KCNH1: variants seen among roughly 807,000 people sequenced by gnomAD.
The protein encoded by KCNH1 is voltage-gated delayed rectifier potassium channel KCNH1.
Under a neutral mutation model 69.2 loss-of-function variants are expected in KCNH1, and 27 were observed. The observed-to-expected ratio is 0.39, with a 90% confidence interval of 0.29 to 0.54. The LOEUF is 0.54. KCNH1 is among the 20% of genes least tolerant of loss of function. The probability of loss-of-function intolerance (pLI) is 0.68; values close to 1 mark genes in which losing one functional copy is unlikely to be tolerated. For synonymous variants in KCNH1, 456 were observed against 487.7 expected, an observed-to-expected ratio of 0.93 and a Z score of 0.86; for missense variants, 798 against 1,261.6, an observed-to-expected ratio of 0.63 and a Z score of 5.57.
At chr1:211,014,062 T>C (rs1689448738) in intron 6 of KCNH1, among the ~76,000 whole-genome samples, 1 of 152,214 alleles carries the variant, frequency 6.6e-6, no homozygotes, top group African/African-American at 2.4e-5. Context: ...TGCTGCTGTC[T>C]GAGGTTACAG....
intron 1 of KCNH1, among the ~76,000 whole-genome samples, chr1:211,107,777 C>T (rs1691384919): frequency 1.3e-5 from 2 of 152,170 alleles, no homozygotes; most frequent in African/African-American, 4.8e-5. Context: ...AGCATCTTAG[C>T]CTTTTCAGTC....
intron 5 of KCNH1, among the ~76,000 whole-genome samples, chr1:211,057,609 A>G (rs1384435067): frequency 1.3e-5 from 2 of 152,096 alleles, no homozygotes; most frequent in Admixed American, 1.3e-4. Context: ...ACTGCACTCT[A>G]GCCTGGGTGG....
In KCNH1 at chr1:210,863,899, G is replaced by A. The variant is rs181572724; in HGVS notation, c.1462+55741C>T. The stretch of plus-strand genomic sequence containing the variant: ...GACCTCTCCCCTGTCATGTAGAAAG[G>A]CCTCAAGTGGTAGTTTTTGGAGCTC... On this transcript the variant is annotated intron_variant, in intron 7 of 10. Transcript: ENST00000271751. Among the ~76,000 whole-genome samples the A allele has an allele frequency of 5.3e-5, 8 of 152,290 alleles. No individual in the cohort carries two copies. The East Asian group carries it at 1.5e-3, about 29-fold the overall frequency.
intron 1 of KCNH1, among the ~76,000 whole-genome samples, chr1:211,114,256 C>G (rs1691527128): frequency 6.6e-6 from 1 of 152,024 alleles, no homozygotes; most frequent in Non-Finnish European, 1.5e-5. Context: ...TTGTTTCCAC[C>G]CCACACACCA....
intron 5 of KCNH1, among the ~76,000 whole-genome samples, chr1:211,048,156 GC>G (rs1212891296): frequency 1.3e-5 from 2 of 152,108 alleles, no homozygotes; most frequent in Non-Finnish European, 2.9e-5. Context: ...CTGCAAGAAT[GC>G]CCGTAATTTA....
chr1:210,920,348 A>C (rs1166333931), intron 6 of KCNH1, among the ~76,000 whole-genome samples: 1 of 152,234 alleles, frequency 6.6e-6, no homozygotes, highest in African/African-American at 2.4e-5. Context: ...ACCTGTGGGC[A>C]TCTTTCCATA....
At chr1:210,717,104 A>C (rs1682276117) in intron 10 of KCNH1, among the ~76,000 whole-genome samples, 1 of 152,184 alleles carries the variant, frequency 6.6e-6, no homozygotes, top group Admixed American at 6.5e-5. Context: ...TTTGCCTCCC[A>C]GGAAGCCTCT....
At chr1:211,087,088 C>T (rs75897840) in intron 4 of KCNH1, among the ~76,000 whole-genome samples, 7,075 of 152,150 alleles carry the variant, frequency 0.047, 251 homozygotes, top group Non-Finnish European at 0.068. Context: ...GTGGGGCCTG[C>T]AACTTGTGTC....
At chr1:211,068,577 G>A (rs1440812814) in intron 5 of KCNH1, among the ~76,000 whole-genome samples, 1 of 152,122 alleles carries the variant, frequency 6.6e-6, no homozygotes, top group East Asian at 1.9e-4. Context: ...TGTATTTTTA[G>A]TAGAGACGAG....
intron 9 of KCNH1, among the ~76,000 whole-genome samples, chr1:210,795,045 G>A (rs1684280502): frequency 6.6e-6 from 1 of 152,202 alleles, no homozygotes. Context: ...GCAGGGTTCA[G>A]TGGATACCAT....
chr1:210,948,604 C>T (rs1408079566), intron 6 of KCNH1, among the ~76,000 whole-genome samples: 4 of 151,792 alleles, frequency 2.6e-5, no homozygotes, highest in Non-Finnish European at 5.9e-5. Flanking sequence ...CTGAGGCGGG[C>T]GGATCACAAG....
intron 5 of KCNH1, among the ~76,000 whole-genome samples, chr1:211,050,362 C>T (rs949797878): frequency 6.8e-6 from 1 of 146,688 alleles, no homozygotes; most frequent in Non-Finnish European, 1.5e-5. Context: ...GGATTTCAGA[C>T]ATCCCTAGCT....
chr1:210,863,565 C>T (rs188159352), intron 7 of KCNH1, among the ~76,000 whole-genome samples: 2 of 152,296 alleles, frequency 1.3e-5, no homozygotes, highest in East Asian at 3.9e-4. Flanking sequence ...ATGCCATTTC[C>T]AGTTAAGTTA....
intron 10 of KCNH1, among the ~76,000 whole-genome samples, chr1:210,726,777 C>T (rs755521584): frequency 5.9e-5 from 9 of 152,130 alleles, no homozygotes; most frequent in Admixed American, 1.3e-4. Flanking sequence ...AAAAACATGC[C>T]TAAGTGGTTC....
At chr1:210,850,579 C>T (rs1685679487) in intron 7 of KCNH1, among the ~76,000 whole-genome samples, 1 of 152,162 alleles carries the variant, frequency 6.6e-6, no homozygotes, top group Admixed American at 6.5e-5. Context: ...AAATTAACTG[C>T]TGAATCCAAA....
intron 6 of KCNH1, among the ~76,000 whole-genome samples, chr1:210,973,360 T>C (rs901984640): frequency 1.3e-5 from 2 of 152,142 alleles, no homozygotes; most frequent in Non-Finnish European, 2.9e-5. Context: ...AGTCAACATC[T>C]TCTAAGACAG....
rs570213871 is a variant in KCNH1, at chr1:211,084,401, G to A, written c.440-1503C>T. ...CCACCCTACTACCACCACCACCAGC[G>A]TGATCTATATACTGTGAGAACAGTG... is the stretch of plus-strand genomic sequence containing the variant. On this transcript the variant is annotated intron_variant, in intron 4 of 10. Transcript: ENST00000271751. 3.2e-4 allele frequency among the ~76,000 whole-genome samples: 48 copies of A among 151,208 alleles called. 1 individual carries two copies. The South Asian group carries it at 9.0e-3, about 28-fold the overall frequency.
At chr1:210,740,362 T>C (rs1682992195) in intron 10 of KCNH1, among the ~76,000 whole-genome samples, 1 of 152,164 alleles carries the variant, frequency 6.6e-6, no homozygotes, top group Non-Finnish European at 1.5e-5. Context: ...AAACAGACTT[T>C]TACCTTCTAA....
At chr1:211,006,367 A>G (rs898103366) in intron 6 of KCNH1, among the ~76,000 whole-genome samples, 4 of 152,242 alleles carry the variant, frequency 2.6e-5, no homozygotes, top group African/African-American at 9.6e-5. Flanking sequence ...ACAAACAATA[A>G]CAATGAACTA....
Sources: gnomAD v4.1 joint callset for allele counts (sites outside exome capture counted in the v4.1 genomes callset) on GRCh38, gnomAD v4.1.1 for gene constraint, MANE v1.5 for transcripts, NCBI Gene and HGNC (gene_info 2026-07-23, HGNC 2026-07-21) for gene names.